PCDH15: variants seen among roughly 807,000 people sequenced by gnomAD.
PCDH15 encodes the protein protocadherin-15.
In PCDH15, 129 loss-of-function variants were observed where a neutral mutation model predicts 178.5. The ratio of observed to expected loss-of-function variants is 0.72; its 90% CI spans 0.63 to 0.84. The LOEUF (loss-of-function observed/expected upper bound fraction) is 0.84. Ranked by LOEUF, PCDH15 falls within the 40% of genes least tolerant of loss-of-function variation. PCDH15 has a pLI of 0.00. For synonymous variants in PCDH15, 800 were observed against 732.0 expected (o/e 1.09, Z -1.50); for missense variants, 2,230 against 2,099.9 (o/e 1.06, Z -1.21).
intron 1 of PCDH15, among the ~76,000 whole-genome samples, chr10:55,265,537 C>A (rs1393193544): frequency 6.6e-6 from 1 of 151,882 alleles, no homozygotes; most frequent in Non-Finnish European, 1.5e-5. Context: ...GGGAAGGGGG[C>A]AAATATTATG....
intron 3 of PCDH15, among the ~76,000 whole-genome samples, chr10:54,381,438 C>G (rs1423258659): frequency 6.6e-6 from 1 of 152,164 alleles, no homozygotes; most frequent in Non-Finnish European, 1.5e-5. Context: ...ATAATGTGCT[C>G]TCTTTCCTCC....
At chr10:55,320,555 T>C (rs1171892813), upstream of PCDH15, among the ~76,000 whole-genome samples, 2 of 152,158 alleles carry the variant, frequency 1.3e-5, no homozygotes, top group East Asian at 1.9e-4. Flanking sequence ...TGGAATACTG[T>C]GATCAGCAGT....
chr10:55,575,352 TCAGTTATTGC>T (rs1259723155), intron 2 of PCDH15, among the ~76,000 whole-genome samples: 1 of 152,122 alleles, frequency 6.6e-6, no homozygotes, highest in East Asian at 1.9e-4. Context: ...CCGTGCAGAT[TCAGTTATTGC>T]CAGAAAATAC....
chr10:54,430,773 GA>G lies in PCDH15; in HGVS notation c.158-51832del, dbSNP rs373608905. On this transcript the variant is annotated intron_variant, in intron 3 of 37. Transcript: ENST00000644397. ...AAAATAAATAATAAAGACAAGAGCA[GA>G]AAAAAAAATTCCAATGAAGAAAACA... Among the ~76,000 whole-genome samples, 73 of 150,242 alleles carry G rather than the reference GA, an allele frequency of 4.9e-4. 1 individual carries two copies. The highest frequency in any genetic ancestry group is 1.3e-3 in the African/African-American group (54 of 41,056).
At chr10:55,614,349 T>C (rs1843433923) in intron 2 of PCDH15, among the ~76,000 whole-genome samples, 1 of 152,156 alleles carries the variant, frequency 6.6e-6, no homozygotes, top group Non-Finnish European at 1.5e-5. Flanking sequence ...AATTCAAACA[T>C]ATCCATTAAT....
chr10:54,206,637 C>A (rs2050824213), intron 10 of PCDH15, among the ~76,000 whole-genome samples: 1 of 152,064 alleles, frequency 6.6e-6, no homozygotes, highest in Non-Finnish European at 1.5e-5. Context: ...TTTAAAAAAT[C>A]ATTAACATAA....
chr10:53,924,258 T>A (rs1193332550), intron 25 of PCDH15, among the ~76,000 whole-genome samples: 1 of 151,918 alleles, frequency 6.6e-6, no homozygotes, highest in Non-Finnish European at 1.5e-5. Flanking sequence ...ATGGGCTTGG[T>A]GGACTCCGCA....
At chr10:53,962,273 C>T (rs918253036) in intron 21 of PCDH15, among the ~76,000 whole-genome samples, 1 of 152,050 alleles carries the variant, frequency 6.6e-6, no homozygotes, top group Non-Finnish European at 1.5e-5. Context: ...GCAGTGGCAT[C>T]ACCATAGTTC....
intron 2 of PCDH15, among the ~76,000 whole-genome samples, chr10:55,013,151 A>T (rs1243399266): frequency 6.6e-6 from 1 of 152,056 alleles, no homozygotes; most frequent in East Asian, 1.9e-4. Flanking sequence ...TTACTTTCAA[A>T]CTACATCTTA....
At chr10:53,972,439 G>C (rs1289380516) in intron 21 of PCDH15, among the ~76,000 whole-genome samples, 1 of 152,128 alleles carries the variant, frequency 6.6e-6, no homozygotes, top group East Asian at 1.9e-4. Flanking sequence ...TTGACAAATT[G>C]GATCTAATTA....
chr10:55,418,150 G>GTA (rs1178057878), intron 2 of PCDH15, among the ~76,000 whole-genome samples: 1 of 151,536 alleles, frequency 6.6e-6, no homozygotes, highest in Non-Finnish European at 1.5e-5. Flanking sequence ...TAAATAAAGG[G>GTA]TATAACATCA....
At chr10:53,940,034 C>G (rs1003774691) in intron 24 of PCDH15, among the ~76,000 whole-genome samples, 4 of 152,074 alleles carry the variant, frequency 2.6e-5, no homozygotes, top group Non-Finnish European at 5.9e-5. Context: ...GCAGCAATAC[C>G]TAGTAATAGT....
chr10:55,565,351 C>T (rs147701588), intron 2 of PCDH15, among the ~76,000 whole-genome samples: 98 of 151,412 alleles, frequency 6.5e-4, no homozygotes, highest in Admixed American at 1.8e-3. Context: ...GAAAAAGCAG[C>T]GCTAAGAGAG....
intron 9 of PCDH15, among the ~76,000 whole-genome samples, chr10:54,234,287 T>C (rs1398066164): frequency 6.6e-6 from 1 of 152,130 alleles, no homozygotes; most frequent in Admixed American, 6.6e-5. Flanking sequence ...TAAAATGTAT[T>C]GAGCATTAAC....
chr10:54,969,049 A>G (rs939285224), intron 2 of PCDH15, among the ~76,000 whole-genome samples: 6 of 151,570 alleles, frequency 4.0e-5, no homozygotes, highest in Admixed American at 6.6e-5. Flanking sequence ...TATTAATTCT[A>G]TCATATCTGT....
At chr10:54,540,350 CA>C (rs142157313) in intron 2 of PCDH15, among the ~76,000 whole-genome samples, 14,963 of 151,928 alleles carry the variant, frequency 0.098, 782 homozygotes, top group Non-Finnish European at 0.11. Flanking sequence ...AACAGAAACA[CA>C]AAAAAATCCT....
chr10:54,320,583 ATT>A (rs66571634), intron 7 of PCDH15, among the ~76,000 whole-genome samples: 29,353 of 148,000 alleles, frequency 0.2, 3,193 homozygotes, highest in African/African-American at 0.28. Flanking sequence ...TATATTTTAA[ATT>A]TTAAAAAAAA....
chr10:54,111,992 A>AAC (rs4007260), intron 15 of PCDH15, among the ~76,000 whole-genome samples: 1 of 134,366 alleles, frequency 7.4e-6, no homozygotes, highest in Non-Finnish European at 1.6e-5. Context: ...AAAAAACAAA[A>AAC]CTTAGCTTAG....
At chr10:54,628,576 T>A (rs900637387) in intron 2 of PCDH15, among the ~76,000 whole-genome samples, 4 of 152,212 alleles carry the variant, frequency 2.6e-5, no homozygotes, top group African/African-American at 9.6e-5. Flanking sequence ...GTAATTCGTC[T>A]AAATTTAAGC....
Sources: allele counts gnomAD v4.1 joint callset (sites outside exome capture counted in the v4.1 genomes callset), GRCh38; gene constraint gnomAD v4.1.1; transcripts MANE v1.5; gene names NCBI Gene and HGNC (gene_info 2026-07-23, HGNC 2026-07-21).